The following ATXN2 variants were observed in gnomAD, a reference collection of about 807,000 sequenced individuals.
ATXN2 encodes the protein ataxin-2.
ATXN2 carries 37 observed loss-of-function variants against 138.6 expected under a neutral mutation model. That is an observed-to-expected ratio of 0.27 (90% CI 0.21 to 0.35). ATXN2 has a LOEUF of 0.35. ATXN2 is among the 10% of genes least tolerant of loss of function. The pLI, the probability that ATXN2 is intolerant of heterozygous loss-of-function variation, is 1.00. For missense variants in ATXN2, 1,216 were observed against 1,480.3 expected, an observed-to-expected ratio of 0.82 and a Z score of 2.93; for synonymous variants, 549 against 543.7, an observed-to-expected ratio of 1.01 and a Z score of -0.13.
In ATXN2 at chr12:111,598,764, G is replaced by C. The variant is rs1310159317; in HGVS notation, c.251+20C>G. 1 of 1,275,744 alleles carries C rather than the reference G, an allele frequency of 7.8e-7. No homozygotes were observed. Among genetic ancestry groups the C allele is most frequent in the Non-Finnish European group, 9.9e-7 (1 of 1,013,020 alleles). The allele number at this position is 1,275,744 out of a possible 1,614,324, so 79.0% of individuals were successfully genotyped here. A position where few individuals can be genotyped will look rare whatever the true frequency, so the allele number is the denominator to read the frequency against. ...GGACGCCGGGCCCGGAGCGGAGGGG[G>C]CTGGGGTGCCGACACCCACCTGCCC... On this transcript the variant is annotated intron_variant, in intron 1 of 24. Coordinates refer to ENST00000673436, the MANE Select transcript of ATXN2 (RefSeq NM_001372574.1). This position sits in a 1 kb window ranked among gnomAD's most constrained non-coding sequence, Gnocchi z 4.5.
chr12:111,565,579 G>T (rs616513), intron 1 of ATXN2, among the ~76,000 whole-genome samples: 57,131 of 151,944 alleles, frequency 0.38, 14,919 homozygotes, highest in East Asian at 0.9. Flanking sequence ...CACCACAAAC[G>T]GTCCATATAA....
At chr12:111,483,050 G>A (rs1157226407) in intron 18 of ATXN2, among the ~76,000 whole-genome samples, 1 of 151,740 alleles carries the variant, frequency 6.6e-6, no homozygotes, top group Admixed American at 6.6e-5. Context: ...AGCTAGGTGT[G>A]GTGGTGTGCA....
intron 1 of ATXN2, among the ~76,000 whole-genome samples, chr12:111,571,210 A>C (rs1424926837): frequency 1.3e-5 from 2 of 152,202 alleles, no homozygotes; most frequent in Admixed American, 1.3e-4. Flanking sequence ...GACAAATCAT[A>C]ATCTCAAATG....
chr12:111,569,356 T>C (rs1020890577), intron 1 of ATXN2, among the ~76,000 whole-genome samples: 12 of 152,178 alleles, frequency 7.9e-5, no homozygotes, highest in African/African-American at 1.2e-4. Context: ...AAACAGTGCC[T>C]GGTATGTTAT....
chr12:111,536,016 AC>A (rs1277801726), intron 5 of ATXN2, among the ~76,000 whole-genome samples: 61 of 151,832 alleles, frequency 4.0e-4, no homozygotes, highest in South Asian at 2.9e-3. Flanking sequence ...AAAAAAAAAA[AC>A]ATTGGGAAAT....
chr12:111,513,331 C>T (rs1456136506), intron 11 of ATXN2, 26 bp downstream of exon 11: 3 of 1,604,570 alleles, frequency 1.9e-6, no homozygotes, highest in Non-Finnish European at 2.5e-6. Flanking sequence ...AAATGAGTAC[C>T]ATCATTATGC....
intron 5 of ATXN2, among the ~76,000 whole-genome samples, chr12:111,546,266 T>A (rs963273728): frequency 6.6e-6 from 1 of 152,204 alleles, no homozygotes; most frequent in African/African-American, 2.4e-5. Flanking sequence ...GTATTTTTGA[T>A]CAGTCCTAAA....
At chr12:111,536,773 C>A (rs765992791) in intron 5 of ATXN2, among the ~76,000 whole-genome samples, 1 of 148,132 alleles carries the variant, frequency 6.8e-6, no homozygotes, top group Non-Finnish European at 1.5e-5. Context: ...TATGTCCACA[C>A]GCAGTTTTTT....
At chr12:111,597,758 T>A (rs1469914344) in intron 1 of ATXN2, 10 of 950,898 alleles carry the variant, frequency 1.1e-5, no homozygotes, top group Non-Finnish European at 1.5e-5. Context: ...CCTTTCTGCC[T>A]TCAGGAACCC....
intron 1 of ATXN2, among the ~76,000 whole-genome samples, chr12:111,590,686 TA>T (rs879436243): frequency 6.2e-4 from 72 of 115,998 alleles, no homozygotes; most frequent in Middle Eastern, 3.8e-3. Context: ...TCCATCTAAT[TA>T]AAAAAAAAAA....
chr12:111,561,865 G>A (rs941993584), intron 1 of ATXN2, among the ~76,000 whole-genome samples: 1 of 151,884 alleles, frequency 6.6e-6, no homozygotes, highest in South Asian at 2.1e-4. Context: ...AGGCTGGAGT[G>A]CAGTGGCATG....
intron 1 of ATXN2, among the ~76,000 whole-genome samples, chr12:111,586,404 T>G (rs1215890908): frequency 6.9e-6 from 1 of 145,886 alleles, no homozygotes; most frequent in African/African-American, 2.5e-5. Context: ...TTTTTTTTTT[T>G]TTTTTTTTAG....
chr12:111,512,842 T>G (rs1879621263), intron 11 of ATXN2: 1 of 152,512 alleles, frequency 6.6e-6, no homozygotes, highest in Admixed American at 6.5e-5. Context: ...TATTTGATAT[T>G]CCTTATTATG....
In ATXN2 at chr12:111,598,066, G is replaced by A. The variant is rs1885027044; in HGVS notation, c.251+718C>T. The A allele has an allele frequency of 1.2e-5, 14 of 1,150,632 alleles. No homozygotes were observed. Among genetic ancestry groups the A allele is most frequent in the Admixed American group, 3.8e-5 (1 of 26,394 alleles). The allele number at this position is 1,150,632 out of a possible 1,614,324, so 71.3% of individuals were successfully genotyped here. On this transcript the variant is annotated intron_variant, in intron 1 of 24. Coordinates refer to ENST00000673436, the MANE Select transcript of ATXN2 (RefSeq NM_001372574.1). The surrounding 1 kb of genome is among the most constrained non-coding windows in gnomAD (Gnocchi z 4.5). ...CCCTTCCCTTCCCCAGGTGGGGGAG[G>A]GTGGAACGCTGCCGGAGGCCACATG...
chr12:111,591,253 G>A (rs1017049924), intron 1 of ATXN2, among the ~76,000 whole-genome samples: 1 of 151,944 alleles, frequency 6.6e-6, no homozygotes, highest in African/African-American at 2.4e-5. Context: ...CCACAAAACC[G>A]GTCCCTAGTG....
At chr12:111,520,235 T>C (rs1429133936) in intron 7 of ATXN2, among the ~76,000 whole-genome samples, 159 bp from the exon 8 acceptor site, 1 of 152,240 alleles carries the variant, frequency 6.6e-6, no homozygotes, top group Non-Finnish European at 1.5e-5. Context: ...TCTGTGTATT[T>C]ATAAATCAAA....
At chr12:111,563,488 G>GTTA (rs1882814709) in intron 1 of ATXN2, among the ~76,000 whole-genome samples, 1 of 152,052 alleles carries the variant, frequency 6.6e-6, no homozygotes, top group African/African-American at 2.4e-5. Flanking sequence ...GAATGCCCTT[G>GTTA]TTATTAGTAC....
intron 1 of ATXN2, among the ~76,000 whole-genome samples, chr12:111,564,400 C>T (rs1882872242): frequency 1.3e-5 from 2 of 151,868 alleles, no homozygotes; most frequent in African/African-American, 4.8e-5. Flanking sequence ...CAGCCCACAA[C>T]CTGTTTTGGT....
intron 10 of ATXN2, among the ~76,000 whole-genome samples, chr12:111,515,760 G>A (rs1250113260): frequency 6.6e-6 from 1 of 152,160 alleles, no homozygotes; most frequent in Non-Finnish European, 1.5e-5. Flanking sequence ...TGGCCAATAG[G>A]AAGGTTCACT....
Sources: gnomAD v4.1 joint callset for allele counts (sites outside exome capture counted in the v4.1 genomes callset) on GRCh38, gnomAD v4.1.1 for gene constraint, Gnocchi (gnomAD v3.1) non-coding constraint, MANE v1.5 for transcripts, NCBI Gene and HGNC (gene_info 2026-07-23, HGNC 2026-07-21) for gene names.